The following STK3 variants were observed in gnomAD, a reference collection of about 807,000 sequenced individuals.
The protein encoded by STK3 is serine/threonine kinase 3, also known as serine/threonine-protein kinase 3.
Under a neutral mutation model 58.0 loss-of-function variants are expected in STK3, and 41 were observed. The observed-to-expected ratio is 0.71, with a 90% CI of 0.55 to 0.92. The LOEUF (loss-of-function observed/expected upper bound fraction) is 0.92, where lower values mean the gene tolerates loss of function less well. Among genes scored for constraint, STK3 ranks in the 40% least tolerant of loss-of-function variants. The pLI, the probability that STK3 is intolerant of heterozygous loss-of-function variation, is 0.00. For synonymous variants in STK3, 170 were observed against 191.0 expected (o/e 0.89, Z 0.91); for missense variants, 479 against 602.7 (o/e 0.79, Z 2.15).
At chr8:98,520,615 G>A (rs143628922) in intron 10 of STK3, among the ~76,000 whole-genome samples, 1 of 151,820 alleles carries the variant, frequency 6.6e-6, no homozygotes, top group East Asian at 1.9e-4. Context: ...CTGAAAATAT[G>A]GTCAAAACAA....
intron 10 of STK3, among the ~76,000 whole-genome samples, chr8:98,489,682 T>C (rs901531049): frequency 1.9e-4 from 29 of 152,192 alleles, no homozygotes; most frequent in African/African-American, 6.3e-4. Context: ...CATTCAATAA[T>C]AGATGCTATT....
chr8:98,874,299 A>G (rs7012465), intron 3 of STK3, among the ~76,000 whole-genome samples: 11,775 of 152,184 alleles, frequency 0.077, 498 homozygotes, highest in South Asian at 0.1. Flanking sequence ...TTCAACTTTG[A>G]TGAATCTGAC....
intron 1 of STK3, among the ~76,000 whole-genome samples, chr8:98,789,498 T>C (rs1832674606): frequency 6.6e-6 from 1 of 151,854 alleles, no homozygotes; most frequent in African/African-American, 2.4e-5. Context: ...ATAAAATTAA[T>C]AGAACATTAA....
chr8:98,854,340 T>C (rs1232282668), intron 3 of STK3, among the ~76,000 whole-genome samples: 1 of 152,108 alleles, frequency 6.6e-6, no homozygotes, highest in Admixed American at 6.6e-5. Context: ...GGTTTCACCA[T>C]GTTGGCCAGG....
At chr8:98,912,364 T>C (rs937747891) in intron 1 of STK3, among the ~76,000 whole-genome samples, 4 of 150,864 alleles carry the variant, frequency 2.7e-5, no homozygotes, top group African/African-American at 9.8e-5. Flanking sequence ...GGTGACAGAG[T>C]GAGACTGCAT....
chr8:98,585,213 G>GT (rs1484920223), intron 7 of STK3, among the ~76,000 whole-genome samples: 1 of 151,194 alleles, frequency 6.6e-6, no homozygotes, highest in Non-Finnish European at 1.5e-5. Context: ...TTCTTCTAGG[G>GT]TTTTTATGGT....
chr8:98,756,319 C>G (rs1830286137), intron 3 of STK3, among the ~76,000 whole-genome samples: 1 of 152,148 alleles, frequency 6.6e-6, no homozygotes, highest in Admixed American at 6.5e-5. Context: ...GCACTAAGAA[C>G]TGCCCTGCAA....
intron 6 of STK3, among the ~76,000 whole-genome samples, chr8:98,684,179 T>C (rs1823820996): frequency 6.6e-6 from 1 of 152,132 alleles, no homozygotes; most frequent in East Asian, 1.9e-4. Flanking sequence ...ATAAAATGTA[T>C]CACAGTCCTA....
At chr8:98,462,972 A>G (rs1183557536) in intron 10 of STK3, 1 of 152,194 alleles carries the variant, frequency 6.6e-6, no homozygotes, top group Non-Finnish European at 1.5e-5. Flanking sequence ...ACGAATTTGC[A>G]TGTGAGCCTT....
At chr8:98,560,120 T>C (rs1441529354) in intron 8 of STK3, among the ~76,000 whole-genome samples, 1 of 152,158 alleles carries the variant, frequency 6.6e-6, no homozygotes, top group Admixed American at 6.6e-5. Context: ...TTTTCTTCCA[T>C]ATCCATATTT....
chr8:98,875,636 T>C (rs893267434), intron 3 of STK3: 2 of 152,214 alleles, frequency 1.3e-5, no homozygotes, highest in Admixed American at 6.5e-5. Flanking sequence ...ATGCCTAGGC[T>C]TCTTTGTTGG....
intron 1 of STK3, among the ~76,000 whole-genome samples, chr8:98,940,045 A>C (rs1253812768): frequency 6.6e-6 from 1 of 152,242 alleles, no homozygotes; most frequent in Non-Finnish European, 1.5e-5. Flanking sequence ...CCGACGAGGC[A>C]AACTGCAGGA....
At chr8:98,432,026 ATGG>A (rs1289914658) in intron 3 of STK3, 11 of 167,204 alleles carry the variant, frequency 6.6e-5, no homozygotes, top group Admixed American at 2.6e-4. Flanking sequence ...TGTAGACTGA[ATGG>A]TGACCCAGGG....
downstream of STK3, among the ~76,000 whole-genome samples, chr8:98,367,489 C>T (rs1157545976): frequency 2.6e-5 from 4 of 152,202 alleles, no homozygotes; most frequent in African/African-American, 7.2e-5. Flanking sequence ...CATACTGAGT[C>T]CCTGCTGAAC....
the STK3 span, among the ~76,000 whole-genome samples, chr8:98,365,365 C>G: frequency 6.6e-6 from 1 of 152,148 alleles, no homozygotes; most frequent in Admixed American, 6.5e-5. Flanking sequence ...ACAAGAACAG[C>G]AAGAAGTTGT....
intron 3 of STK3, among the ~76,000 whole-genome samples, chr8:98,833,221 G>C (rs1164076544): frequency 6.6e-6 from 1 of 152,172 alleles, no homozygotes; most frequent in Non-Finnish European, 1.5e-5. Flanking sequence ...GGTGCAGGGG[G>C]AGGGTTCCAG....
At chr8:98,838,135 C>T (rs899612283) in intron 3 of STK3, among the ~76,000 whole-genome samples, 2 of 150,230 alleles carry the variant, frequency 1.3e-5, no homozygotes, top group Non-Finnish European at 3.0e-5. Context: ...ACGAGCTACT[C>T]GAGAGACTGA....
At chr8:98,746,634 AAAT>A (rs372819894) in intron 4 of STK3, among the ~76,000 whole-genome samples, 21 of 152,218 alleles carry the variant, frequency 1.4e-4, no homozygotes, top group African/African-American at 5.1e-4. Flanking sequence ...TAAAAAATAA[AAAT>A]AAATTATGTT....
chr8:98,423,901 T>TC (rs60938442), intron 3 of STK3, among the ~76,000 whole-genome samples: 15,803 of 152,160 alleles, frequency 0.1, 888 homozygotes, highest in Non-Finnish European at 0.12. Flanking sequence ...GGTCTCTTCA[T>TC]CCCCCTTCCC....
Sources: gnomAD v4.1 joint callset for allele counts (sites outside exome capture counted in the v4.1 genomes callset) on GRCh38, gnomAD v4.1.1 for gene constraint, MANE v1.5 for transcripts, NCBI Gene and HGNC (gene_info 2026-07-23, HGNC 2026-07-21) for gene names.